The following AGBL1 variants were observed in gnomAD, a reference collection of about 807,000 sequenced individuals.
AGBL1 encodes the protein cytosolic carboxypeptidase 4.
AGBL1 carries 130 observed loss-of-function variants against 118.9 expected under a neutral mutation model. The observed-to-expected ratio is 1.09, with a 90% CI of 0.95 to 1.26. The LOEUF is 1.26. AGBL1 is among the 50% of genes most tolerant of loss of function. AGBL1 has a pLI of 0.00. For synonymous variants in AGBL1, 555 were observed against 478.9 expected (o/e 1.16, Z -2.08); for missense variants, 1,584 against 1,298.1 (o/e 1.22, Z -3.38).
At chr15:86,778,865 A>T (rs1297732554) in intron 22 of AGBL1, among the ~76,000 whole-genome samples, 1 of 152,222 alleles carries the variant, frequency 6.6e-6, no homozygotes, top group Non-Finnish European at 1.5e-5. Context: ...TGGCGAAGTG[A>T]TAAGTGTCCA....
chr15:86,384,639 A>G (rs2081158673), intron 17 of AGBL1, among the ~76,000 whole-genome samples: 2 of 152,166 alleles, frequency 1.3e-5, no homozygotes, highest in Admixed American at 1.3e-4. Flanking sequence ...GGATTGGCTC[A>G]TCTTTATTCA....
intron 1 of AGBL1, among the ~76,000 whole-genome samples, chr15:86,108,004 C>T (rs1453950547): frequency 6.6e-6 from 1 of 152,206 alleles, no homozygotes; most frequent in Non-Finnish European, 1.5e-5. Flanking sequence ...AGATGGATGT[C>T]ATGCTATAAA....
chr15:86,595,137 G>T (rs2084388117), intron 21 of AGBL1, among the ~76,000 whole-genome samples: 1 of 152,158 alleles, frequency 6.6e-6, no homozygotes, highest in South Asian at 2.1e-4. Flanking sequence ...ATGCCGTGAA[G>T]CTCTGTTCTT....
chr15:86,306,373 T>C (rs1335750417), intron 17 of AGBL1, among the ~76,000 whole-genome samples: 1 of 152,144 alleles, frequency 6.6e-6, no homozygotes, highest in Non-Finnish European at 1.5e-5. Context: ...GTTCAATTGA[T>C]TCGATTTTTA....
intron 5 of AGBL1, among the ~76,000 whole-genome samples, chr15:86,171,618 G>C (rs2141754369): frequency 6.6e-6 from 1 of 152,124 alleles, no homozygotes; most frequent in Admixed American, 6.5e-5. Flanking sequence ...AAATTAACAG[G>C]AATGTAGACT....
Position 86,748,054 on chromosome 15 carries a change from A to G in AGBL1, c.3158+73618A>G, listed in dbSNP as rs575298967. 1.7e-3 allele frequency among the ~76,000 whole-genome samples: 260 copies of G among 152,320 alleles called. 2 individuals are homozygous for G. The highest frequency in any genetic ancestry group is 0.017 in the Middle Eastern group (5 of 294). The stretch of plus-strand genomic sequence containing the variant: ...TTCTAGATCCTTGAGGAATCGCCAC[A>G]CTGTCTTCCATCATGGTTGAACTAG... On this transcript the variant is annotated intron_variant, in intron 22 of 22. Transcript: ENST00000614907.
At chr15:86,622,015 C>A (rs967134802) in intron 21 of AGBL1, among the ~76,000 whole-genome samples, 1 of 152,070 alleles carries the variant, frequency 6.6e-6, no homozygotes, top group African/African-American at 2.4e-5. Flanking sequence ...ATCTGCAAGA[C>A]AAAGATGAAA....
intron 19 of AGBL1, among the ~76,000 whole-genome samples, chr15:86,536,145 C>G (rs2083423201): frequency 6.6e-6 from 1 of 152,084 alleles, no homozygotes; most frequent in African/African-American, 2.4e-5. Flanking sequence ...TACCAGAAAC[C>G]AAGTTTTGTG....
At chr15:86,210,897 C>T (rs916853491) in intron 5 of AGBL1, among the ~76,000 whole-genome samples, 6 of 152,178 alleles carry the variant, frequency 3.9e-5, no homozygotes, top group Admixed American at 1.3e-4. Context: ...AGAAAAGGCA[C>T]TCTGGTTTTT....
intron 1 of AGBL1, among the ~76,000 whole-genome samples, chr15:86,092,477 A>G (rs1223030890): frequency 2.0e-5 from 3 of 152,204 alleles, no homozygotes; most frequent in Admixed American, 2.0e-4. Context: ...TGTGGATAAA[A>G]TATAAAATTT....
At chr15:86,457,967 T>C (rs1219962795) in intron 18 of AGBL1, among the ~76,000 whole-genome samples, 2 of 152,108 alleles carry the variant, frequency 1.3e-5, no homozygotes, top group African/African-American at 2.4e-5. Context: ...TAGTCTGGTA[T>C]AAAAGGAAGG....
intron 5 of AGBL1, among the ~76,000 whole-genome samples, chr15:86,221,514 C>G (rs566747603): frequency 6.6e-6 from 1 of 152,174 alleles, no homozygotes; most frequent in Non-Finnish European, 1.5e-5. Context: ...GCTGTGGGAG[C>G]AGACAAGTGG....
chr15:86,557,182 A>T (rs941430320), intron 21 of AGBL1, among the ~76,000 whole-genome samples: 4 of 152,124 alleles, frequency 2.6e-5, no homozygotes, highest in Non-Finnish European at 4.4e-5. Context: ...CCACTGAGAG[A>T]TTTACTTTAC....
intron 22 of AGBL1, among the ~76,000 whole-genome samples, chr15:86,692,147 C>T (rs1567124938): frequency 6.6e-6 from 1 of 151,818 alleles, no homozygotes; most frequent in African/African-American, 2.4e-5. Flanking sequence ...CACTGCACTC[C>T]AGCCTGGGTG....
At chr15:86,841,246 T>A (rs1374546201) in intron 22 of AGBL1, among the ~76,000 whole-genome samples, 1 of 152,162 alleles carries the variant, frequency 6.6e-6, no homozygotes, top group Non-Finnish European at 1.5e-5. Flanking sequence ...CACCCAGGCA[T>A]GTATCATTCA....
At chr15:86,491,671 G>A (rs1162320854) in intron 18 of AGBL1, among the ~76,000 whole-genome samples, 1 of 152,062 alleles carries the variant, frequency 6.6e-6, no homozygotes, top group Non-Finnish European at 1.5e-5. Flanking sequence ...TAGAGAGGTT[G>A]ATTGGATAGG....
intron 17 of AGBL1, among the ~76,000 whole-genome samples, chr15:86,320,205 AG>A (rs1241660582): frequency 6.6e-6 from 1 of 152,220 alleles, no homozygotes; most frequent in African/African-American, 2.4e-5. Flanking sequence ...TCGGGAAAAA[AG>A]GACATTCCTA....
chr15:86,663,571 GA>G (rs2085585135), intron 21 of AGBL1, among the ~76,000 whole-genome samples: 1 of 152,084 alleles, frequency 6.6e-6, no homozygotes, highest in Admixed American at 6.6e-5. Context: ...AAAGGGGAGG[GA>G]GGCAGGCTGT....
intron 22 of AGBL1, among the ~76,000 whole-genome samples, chr15:86,863,369 C>T (rs535119258): frequency 6.6e-6 from 1 of 152,254 alleles, no homozygotes; most frequent in South Asian, 2.1e-4. Context: ...CTGATTAGAG[C>T]TTTCAGCATT....
Sources: allele counts gnomAD v4.1 joint callset (sites outside exome capture counted in the v4.1 genomes callset), GRCh38; gene constraint gnomAD v4.1.1; transcripts MANE v1.5; gene names NCBI Gene and HGNC (gene_info 2026-07-23, HGNC 2026-07-21).